Variants in SIPA1L1 observed in about 807,000 individuals in gnomAD.
SIPA1L1 encodes signal induced proliferation associated 1 like 1.
A neutral mutation model predicts 162.7 loss-of-function variants in SIPA1L1; 26 were observed. The observed-to-expected ratio is 0.16, with a 90% CI of 0.12 to 0.22. The LOEUF is 0.22. SIPA1L1 is among the 10% of genes least tolerant of loss of function. The probability of loss-of-function intolerance (pLI) is 1.00; values close to 1 mark genes in which losing one functional copy is unlikely to be tolerated. For synonymous variants in SIPA1L1, 829 were observed against 837.4 expected (o/e 0.99, Z 0.17); for missense variants, 1,874 against 2,241.0 (o/e 0.84, Z 3.31).
intron 2 of SIPA1L1, among the ~76,000 whole-genome samples, chr14:71,386,899 T>A (rs2040365561): frequency 6.6e-6 from 1 of 152,268 alleles, no homozygotes; most frequent in South Asian, 2.1e-4. Context: ...CATTGGTTTG[T>A]GTGAAAAATC....
chr14:71,425,356 G>T (rs1399436086), intron 2 of SIPA1L1, among the ~76,000 whole-genome samples: 1 of 151,994 alleles, frequency 6.6e-6, no homozygotes, highest in Non-Finnish European at 1.5e-5. Flanking sequence ...TTATAGCTGT[G>T]AATTTTCCTC....
intron 8 of SIPA1L1, among the ~76,000 whole-genome samples, chr14:71,656,454 ATATT>A (rs2043065846): frequency 6.6e-6 from 1 of 152,194 alleles, no homozygotes; most frequent in Non-Finnish European, 1.5e-5. Context: ...TGTTCTATAC[ATATT>A]TATAGAAAGG....
chr14:71,632,490 C>G (rs2040681346), intron 7 of SIPA1L1, among the ~76,000 whole-genome samples: 1 of 152,216 alleles, frequency 6.6e-6, no homozygotes, highest in African/African-American at 2.4e-5. Flanking sequence ...GCCTTCCCTC[C>G]TCCCTAATCC....
intron 8 of SIPA1L1, among the ~76,000 whole-genome samples, chr14:71,651,876 A>G (rs189904182): frequency 7.6e-4 from 116 of 152,340 alleles, no homozygotes; most frequent in Non-Finnish European, 1.5e-3. Flanking sequence ...AGTTTGTCCA[A>G]TTATCCCAAC....
At chr14:71,680,426 G>A (rs146034956) in intron 12 of SIPA1L1, among the ~76,000 whole-genome samples, 210 of 152,256 alleles carry the variant, frequency 1.4e-3, no homozygotes, top group Non-Finnish European at 2.5e-3. Flanking sequence ...CATTTAAAGC[G>A]GTGTGTAGAG....
chr14:71,681,646 A>G (rs1338110688), intron 12 of SIPA1L1, among the ~76,000 whole-genome samples: 3 of 152,076 alleles, frequency 2.0e-5, no homozygotes, highest in Non-Finnish European at 2.9e-5. Context: ...TTTTGATTCA[A>G]ATAATTTATG....
At chr14:71,571,941 C>T (rs547963498) in intron 4 of SIPA1L1, among the ~76,000 whole-genome samples, 6 of 152,122 alleles carry the variant, frequency 3.9e-5, no homozygotes, top group African/African-American at 7.2e-5. Context: ...CGTGAGCCAC[C>T]GTGCCTGGCC....
chr14:71,381,810 G>A (rs779913253), intron 2 of SIPA1L1, among the ~76,000 whole-genome samples: 4 of 152,122 alleles, frequency 2.6e-5, no homozygotes, highest in Non-Finnish European at 4.4e-5. Context: ...TCTTCTCTGT[G>A]AATATATTTC....
At chr14:71,386,511 A>C (rs892310114) in intron 2 of SIPA1L1, among the ~76,000 whole-genome samples, 1 of 152,216 alleles carries the variant, frequency 6.6e-6, no homozygotes, top group African/African-American at 2.4e-5. Context: ...AATCCAATCA[A>C]GTTGACACTG....
At chr14:71,707,672 G>A (rs528593475) in intron 16 of SIPA1L1, among the ~76,000 whole-genome samples, 10 of 152,026 alleles carry the variant, frequency 6.6e-5, no homozygotes, top group Non-Finnish European at 1.5e-4. Flanking sequence ...TCCATTTTAC[G>A]GATATACCCT....
chr14:71,702,070 G>A (rs899405254), intron 14 of SIPA1L1, among the ~76,000 whole-genome samples: 1 of 152,178 alleles, frequency 6.6e-6, no homozygotes, highest in African/African-American at 2.4e-5. Context: ...GGCTGTACGA[G>A]GGCTTAGAAA....
chr14:71,677,723 A>T (rs181485519), intron 12 of SIPA1L1, among the ~76,000 whole-genome samples: 1 of 152,208 alleles, frequency 6.6e-6, no homozygotes, highest in East Asian at 1.9e-4. Flanking sequence ...TCATTTATTA[A>T]ATAGGGAATC....
chr14:71,719,642 C>T (rs946751224), intron 17 of SIPA1L1, among the ~76,000 whole-genome samples: 19 of 152,224 alleles, frequency 1.2e-4, no homozygotes, highest in African/African-American at 4.6e-4. Context: ...TACAGGTGTG[C>T]ACCACCACAC....
chr14:71,479,015 A>C (rs976738897), intron 2 of SIPA1L1, among the ~76,000 whole-genome samples: 1 of 152,092 alleles, frequency 6.6e-6, no homozygotes, highest in Admixed American at 6.6e-5. Flanking sequence ...AGGTTTAGGA[A>C]TTCCCTTTTC....
rs749831595 is a variant in SIPA1L1 at position 71,500,886 on chromosome 14, A to G, written c.-464-11857A>G. ...CTGGGCATGGTGGCGCATGCCTATA[A>G]TCTCAGCTACTCAGGAGGCTGAGGT... On this transcript the variant is annotated intron_variant, in intron 2 of 23. Coordinates refer to ENST00000381232, the MANE Select transcript of SIPA1L1 (RefSeq NM_001386936.1). 1.5e-3 allele frequency among the ~76,000 whole-genome samples: 226 copies of G among 152,120 alleles called. 3 individuals are homozygous for G. Among genetic ancestry groups the G allele is most frequent in the Admixed American group, 2.3e-3 (35 of 15,276 alleles).
At chr14:71,472,191 C>T (rs1195047143) in intron 2 of SIPA1L1, among the ~76,000 whole-genome samples, 1 of 152,126 alleles carries the variant, frequency 6.6e-6, no homozygotes, top group Non-Finnish European at 1.5e-5. Context: ...AGCTGGTTGA[C>T]TTGAATATTG....
intron 9 of SIPA1L1, 107 bp from the exon 10 acceptor site, chr14:71,661,203 T>C (rs2043477256): frequency 2.5e-5 from 28 of 1,139,684 alleles, no homozygotes; most frequent in Non-Finnish European, 3.5e-5. Flanking sequence ...TACCTTCATG[T>C]GTACTGATTA....
chr14:71,626,344 C>CAGCT (rs1478689549), intron 7 of SIPA1L1, among the ~76,000 whole-genome samples: 1 of 152,168 alleles, frequency 6.6e-6, no homozygotes, highest in African/African-American at 2.4e-5. Context: ...TCTATATGAA[C>CAGCT]AGCTCCATGT....
intron 2 of SIPA1L1, among the ~76,000 whole-genome samples, chr14:71,404,490 G>A (rs1229816256): frequency 2.0e-5 from 3 of 152,174 alleles, no homozygotes; most frequent in Non-Finnish European, 2.9e-5. Context: ...GTTGCAGTGA[G>A]AAGAGATTGC....
Sources: gnomAD v4.1 joint callset for allele counts (sites outside exome capture counted in the v4.1 genomes callset) on GRCh38, gnomAD v4.1.1 for gene constraint, MANE v1.5 for transcripts, NCBI Gene and HGNC (gene_info 2026-07-23, HGNC 2026-07-21) for gene names.